TRPC4: variants seen among roughly 807,000 people sequenced by gnomAD.
The protein encoded by TRPC4 is transient receptor potential cation channel subfamily C member 4.
TRPC4 carries 49 observed loss-of-function variants against 99.4 expected under a neutral mutation model. That is an observed-to-expected ratio of 0.49 (90% CI 0.39 to 0.63). The LOEUF is 0.63. Ranked by LOEUF, TRPC4 falls within the 20% of genes least tolerant of loss-of-function variation. The pLI, the probability that TRPC4 is intolerant of heterozygous loss-of-function variation, is 0.00. For missense variants in TRPC4, 898 were observed against 1,152.9 expected (o/e 0.78, Z 3.20); for synonymous variants, 454 against 425.9 (o/e 1.07, Z -0.81).
At chr13:37,695,190 T>A (rs1315998051) in intron 3 of TRPC4, among the ~76,000 whole-genome samples, 1 of 152,014 alleles carries the variant, frequency 6.6e-6, no homozygotes, top group African/African-American at 2.4e-5. Flanking sequence ...CTTCTTTCCT[T>A]CCTTCCTTCC....
At chr13:37,861,115 A>G (rs1959287782) in intron 1 of TRPC4, among the ~76,000 whole-genome samples, 1 of 151,538 alleles carries the variant, frequency 6.6e-6, no homozygotes, top group African/African-American at 2.4e-5. Flanking sequence ...AAAGTAGATT[A>G]TCTTTTAAAA....
chr13:37,639,981 T>C (rs1951665868), intron 8 of TRPC4, among the ~76,000 whole-genome samples: 2 of 151,886 alleles, frequency 1.3e-5, no homozygotes, highest in South Asian at 4.1e-4. Context: ...AATAGAGAGA[T>C]GGATTGTTTA....
At chr13:37,696,018 CCCGAAACTGGGCACTT>C (rs1953891261) in intron 3 of TRPC4, among the ~76,000 whole-genome samples, 1 of 152,150 alleles carries the variant, frequency 6.6e-6, no homozygotes, top group African/African-American at 2.4e-5. Context: ...TAAAGACATA[CCCGAAACTGGGCACTT>C]TACAGAAGAG....
chr13:37,784,441 T>A (rs1313388139), intron 1 of TRPC4, among the ~76,000 whole-genome samples: 1 of 152,120 alleles, frequency 6.6e-6, no homozygotes, highest in Non-Finnish European at 1.5e-5. Flanking sequence ...ATCGTCCTAG[T>A]GATAGAGATT....
intron 2 of TRPC4, among the ~76,000 whole-genome samples, chr13:37,780,351 G>A (rs1956806867): frequency 7.0e-6 from 1 of 142,908 alleles, no homozygotes; most frequent in Non-Finnish European, 1.5e-5. Flanking sequence ...ACTCATTTTA[G>A]GATGTTACAT....
At chr13:37,763,410 C>T (rs1956276620) in intron 2 of TRPC4, among the ~76,000 whole-genome samples, 1 of 151,134 alleles carries the variant, frequency 6.6e-6, no homozygotes, top group Non-Finnish European at 1.5e-5. Context: ...CGAGGCATCA[C>T]CTGAGGAAGA....
chr13:37,818,065 A>G (rs558706953), intron 1 of TRPC4, among the ~76,000 whole-genome samples: 2 of 152,206 alleles, frequency 1.3e-5, no homozygotes, highest in East Asian at 3.9e-4. Flanking sequence ...GCGCTTTTGC[A>G]TAGCAAAGAA....
Position 37,692,011 on chromosome 13 carries a change from G to A in TRPC4, c.1222C>T (p.Pro408Ser). ...GTAACACATTTACCCAGGACCCACG[G>A]TAATATCATCCACTCGACGATGGTT... ...PPTIVEWMIL[P>S]WVLGFIWGEI... Residue 408 changes from proline (P) to serine (S), a missense_variant, in exon 4 of 11, where the codon CCG becomes TCG. Pro to Ser is a moderately conservative substitution (Grantham distance 74). Coordinates refer to ENST00000379705, the MANE Select transcript of TRPC4 (RefSeq NM_016179.4). 1 of 1,613,260 alleles carries A rather than the reference G, an allele frequency of 6.2e-7. No individual in the cohort carries two copies. The highest frequency in any genetic ancestry group is 2.2e-5 in the East Asian group (1 of 44,848).
intron 1 of TRPC4, chr13:37,854,804 C>T (rs149635406): frequency 5.1e-4 from 77 of 152,006 alleles, no homozygotes; most frequent in African/African-American, 1.7e-3. Flanking sequence ...TAGAAAACTA[C>T]CTTCATGGAA....
intron 8 of TRPC4, among the ~76,000 whole-genome samples, chr13:37,645,404 G>A (rs1267127254): frequency 6.6e-6 from 1 of 152,110 alleles, no homozygotes; most frequent in Non-Finnish European, 1.5e-5. Context: ...TCTTATCTCC[G>A]GTTCTCTCCA....
chr13:37,683,239 G>A (rs1185938607), intron 4 of TRPC4, among the ~76,000 whole-genome samples: 2 of 152,072 alleles, frequency 1.3e-5, no homozygotes, highest in African/African-American at 4.8e-5. Flanking sequence ...TGGGGCATCT[G>A]TTTGGGCAGG....
intron 3 of TRPC4, among the ~76,000 whole-genome samples, chr13:37,720,582 T>A (rs1356467523): frequency 6.6e-6 from 1 of 152,196 alleles, no homozygotes; most frequent in African/African-American, 2.4e-5. Flanking sequence ...TATACTAAAA[T>A]AATCAGTATT....
At chr13:37,850,545 G>A (rs1349611536) in intron 1 of TRPC4, among the ~76,000 whole-genome samples, 1 of 151,964 alleles carries the variant, frequency 6.6e-6, no homozygotes, top group African/African-American at 2.4e-5. Context: ...ATCTCTCTAT[G>A]GGTACAATTA....
At chr13:37,855,656 C>A (rs1213686521) in intron 1 of TRPC4, among the ~76,000 whole-genome samples, 1 of 151,462 alleles carries the variant, frequency 6.6e-6, no homozygotes, top group East Asian at 1.9e-4. Context: ...TTAAAACATT[C>A]AAAAAATTGA....
At chr13:37,650,761 A>G (rs1332543231) in intron 8 of TRPC4, among the ~76,000 whole-genome samples, 2 of 152,178 alleles carry the variant, frequency 1.3e-5, no homozygotes, top group African/African-American at 4.8e-5. Flanking sequence ...TTAAGTTATA[A>G]TATTCAGTCA....
intron 2 of TRPC4, among the ~76,000 whole-genome samples, chr13:37,757,968 C>G (rs1031515028): frequency 6.6e-6 from 1 of 151,892 alleles, no homozygotes; most frequent in Non-Finnish European, 1.5e-5. Context: ...TTTACTGAGT[C>G]TCTTAGGTAC....
Position 37,636,342 on chromosome 13 carries a change from A to G in TRPC4, c.*561T>C, listed in dbSNP as rs542077889. Among the ~76,000 whole-genome samples the G allele has an allele frequency of 6.6e-6, 1 of 152,220 alleles. No individual in the cohort carries two copies. The highest frequency in any genetic ancestry group is 2.1e-4 in the South Asian group (1 of 4,830). On this transcript the variant is annotated 3_prime_UTR_variant, in exon 11 of 11. Transcript: ENST00000379705. Reference sequence around the variant, plus strand: ...TACAAAGTTTTTCTGAATTTGAGGGAGTTTAGATATGACTCCATGAGAAGA... The same window carrying G: ...TACAAAGTTTTTCTGAATTTGAGGGGGTTTAGATATGACTCCATGAGAAGA...
chr13:37,665,154 G>A (rs1952597922), intron 5 of TRPC4, among the ~76,000 whole-genome samples: 1 of 152,134 alleles, frequency 6.6e-6, no homozygotes. Context: ...GTCTCGCTAT[G>A]TATGATGCCA....
At chr13:37,828,785 G>A (rs1274459240) in intron 1 of TRPC4, among the ~76,000 whole-genome samples, 1 of 152,164 alleles carries the variant, frequency 6.6e-6, no homozygotes, top group Non-Finnish European at 1.5e-5. Flanking sequence ...TAAGCATGGA[G>A]TACATACAGA....
Sources: gnomAD v4.1 joint callset for allele counts (sites outside exome capture counted in the v4.1 genomes callset) on GRCh38, gnomAD v4.1.1 for gene constraint, MANE v1.5 for transcripts, NCBI Gene and HGNC (gene_info 2026-07-23, HGNC 2026-07-21) for gene names.